PPP1R1C: variants seen among roughly 807,000 people sequenced by gnomAD.
PPP1R1C encodes protein phosphatase 1 regulatory inhibitor subunit 1C.
Under a neutral mutation model 17.4 loss-of-function variants are expected in PPP1R1C, and 15 were observed. That is an observed-to-expected ratio of 0.86 (90% CI 0.58 to 1.33). The LOEUF is 1.33. Among genes scored for constraint, PPP1R1C ranks in the 40% most tolerant of loss-of-function variants. The pLI, the probability that PPP1R1C is intolerant of heterozygous loss-of-function variation, is 0.00. For missense variants in PPP1R1C, 143 were observed against 130.0 expected, an observed-to-expected ratio of 1.10 and a Z score of -0.48; for synonymous variants, 35 against 43.1, an observed-to-expected ratio of 0.81 and a Z score of 0.73.
In PPP1R1C at chr2:181,977,132, TAAAAAAAAAAAAAAAAAA is replaced by T. The variant is rs67129466; in HGVS notation, n.157+1892_157+1909del. On this transcript the variant is annotated intron_variant and non_coding_transcript_variant, in intron 2 of 5. Transcript: ENST00000464264. ...CTGGGCAACAGAGTGAGAATCTATC[TAAAAAAAAAAAAAAAAAA>T]AAAAAAAAAAAAAAAAAAAAAAAGC... Among the ~76,000 whole-genome samples the T allele has an allele frequency of 5.0e-3, 100 of 19,840 alleles. 1 individual carries two copies. The highest frequency in any genetic ancestry group is 0.023 in the East Asian group (14 of 616). 13.0% of individuals were successfully genotyped at this position (19,840 alleles called of 152,430 possible).
chr2:182,123,563 TATCTC>T (rs1174321378), intron 5 of PPP1R1C, among the ~76,000 whole-genome samples: 1 of 152,264 alleles, frequency 6.6e-6, no homozygotes. Flanking sequence ...CCTGAGATGT[TATCTC>T]ATGGTGGTTT....
chr2:182,077,241 A>G (rs1469426482), intron 4 of PPP1R1C, among the ~76,000 whole-genome samples: 1 of 149,796 alleles, frequency 6.7e-6, no homozygotes, highest in Non-Finnish European at 1.5e-5. Flanking sequence ...TTAAAGTAAC[A>G]TAAAATGTCA....
chr2:181,983,823 G>A (rs1226757627), upstream of PPP1R1C, among the ~76,000 whole-genome samples: 2 of 152,106 alleles, frequency 1.3e-5, no homozygotes, highest in Non-Finnish European at 1.5e-5. Flanking sequence ...CCAATGTGGA[G>A]AACAGTAAAT....
At chr2:182,024,549 A>C (rs901855812) in intron 2 of PPP1R1C, among the ~76,000 whole-genome samples, 1 of 152,192 alleles carries the variant, frequency 6.6e-6, no homozygotes, top group Non-Finnish European at 1.5e-5. Context: ...AGAAATTTAC[A>C]TCACTATCTT....
intron 4 of PPP1R1C, among the ~76,000 whole-genome samples, chr2:182,077,475 G>T (rs921217869): frequency 6.6e-6 from 1 of 152,014 alleles, no homozygotes; most frequent in Admixed American, 6.6e-5. Context: ...TACTTATAAG[G>T]CCAAACCAAA....
chr2:182,064,183 G>T, intron 4 of PPP1R1C: 1 of 202,236 alleles, frequency 4.9e-6, no homozygotes, highest in South Asian at 1.0e-4. Context: ...ATTTCAGGGA[G>T]ACTGAGGATG....
At chr2:182,078,848 C>A (rs1362072291) in intron 4 of PPP1R1C, among the ~76,000 whole-genome samples, 1 of 152,118 alleles carries the variant, frequency 6.6e-6, no homozygotes, top group Non-Finnish European at 1.5e-5. Context: ...AAACACTACT[C>A]CTGAGAAATC....
At chr2:181,968,541 G>A (rs1376944247) in intron 1 of PPP1R1C, among the ~76,000 whole-genome samples, 2 of 152,012 alleles carry the variant, frequency 1.3e-5, no homozygotes, top group African/African-American at 4.8e-5. Flanking sequence ...CCATTTACAT[G>A]GAATGTCTTT....
chr2:182,026,554 G>A (rs1421430206), intron 2 of PPP1R1C, among the ~76,000 whole-genome samples: 2 of 150,588 alleles, frequency 1.3e-5, no homozygotes, highest in African/African-American at 2.4e-5. Flanking sequence ...GCTGTGTTCT[G>A]TTCCATTGAT....
At position 181,967,365 on chromosome 2, in the gene PPP1R1C, A is replaced by G. The variant is rs1447619958; in HGVS notation, n.112-7854A>G. Among the ~76,000 whole-genome samples, 1 of 151,732 alleles carries G rather than the reference A, an allele frequency of 6.6e-6. No individual in the cohort carries two copies. The highest frequency in any genetic ancestry group is 2.4e-5 in the African/African-American group (1 of 41,300). ...GGGTTTGGTTTGCTCTTGATTTTCT[A>G]CATCTTTAACAGGCATTGTAAGGTT... On this transcript the variant is annotated intron_variant and non_coding_transcript_variant, in intron 1 of 5. Coordinates refer to the PPP1R1C transcript ENST00000464264. The surrounding 1 kb of genome is among the most constrained non-coding windows in gnomAD (Gnocchi z 5.5).
chr2:181,987,622 T>C (rs1437767068), intron 1 of PPP1R1C, among the ~76,000 whole-genome samples: 1 of 152,196 alleles, frequency 6.6e-6, no homozygotes, highest in African/African-American at 2.4e-5. Context: ...GAAATGTAGC[T>C]TTTTGGTCAA....
At chr2:182,033,338 A>G (rs943631839) in intron 2 of PPP1R1C, among the ~76,000 whole-genome samples, 2 of 152,192 alleles carry the variant, frequency 1.3e-5, no homozygotes, top group African/African-American at 4.8e-5. Flanking sequence ...ATATACTGAT[A>G]ACTTTCAAAT....
At chr2:182,044,263 G>T (rs1401074348) in intron 2 of PPP1R1C, among the ~76,000 whole-genome samples, 1 of 151,954 alleles carries the variant, frequency 6.6e-6, no homozygotes, top group Non-Finnish European at 1.5e-5. Context: ...ACCCTTCATT[G>T]GTTTTCCATC....
chr2:182,091,811 C>G (rs772847776), intron 4 of PPP1R1C, among the ~76,000 whole-genome samples: 7 of 152,120 alleles, frequency 4.6e-5, no homozygotes, highest in Admixed American at 6.6e-5. Context: ...TCTCACTTAC[C>G]TTTCCACCCT....
intron 4 of PPP1R1C, among the ~76,000 whole-genome samples, chr2:182,115,918 T>TCTAATAA (rs1257930277): frequency 5.3e-5 from 8 of 152,154 alleles, no homozygotes; most frequent in Non-Finnish European, 8.8e-5. Context: ...TTTTTAGTAA[T>TCTAATAA]ACTTAAAAAA....
chr2:182,080,636 G>A (rs1688448268), intron 4 of PPP1R1C, among the ~76,000 whole-genome samples: 2 of 152,050 alleles, frequency 1.3e-5, no homozygotes, highest in South Asian at 2.1e-4. Context: ...TAATGACAAT[G>A]AGAAATATGA....
chr2:182,124,864 C>T (rs1037326385), intron 5 of PPP1R1C, among the ~76,000 whole-genome samples: 2 of 152,090 alleles, frequency 1.3e-5, no homozygotes, highest in African/African-American at 4.8e-5. Flanking sequence ...GACTTCCCCT[C>T]TTCCTATTTT....
intron 1 of PPP1R1C, among the ~76,000 whole-genome samples, chr2:181,959,673 G>A (rs886256389): frequency 6.6e-6 from 1 of 152,172 alleles, no homozygotes; most frequent in South Asian, 2.1e-4. Context: ...CATTTTAGGT[G>A]TATGAGACTA....
At chr2:182,023,812 T>G (rs1194474822) in intron 2 of PPP1R1C, 1 of 152,058 alleles carries the variant, frequency 6.6e-6, no homozygotes, top group Non-Finnish European at 1.5e-5. Flanking sequence ...TTTTTAATTT[T>G]TTTTTGTAGA....
Sources: allele counts gnomAD v4.1 joint callset (sites outside exome capture counted in the v4.1 genomes callset), GRCh38; gene constraint gnomAD v4.1.1; non-coding constraint Gnocchi (gnomAD v3.1); transcripts MANE v1.5; gene names NCBI Gene and HGNC (gene_info 2026-07-23, HGNC 2026-07-21).